The following MTMR10 variants were observed in gnomAD, a reference collection of about 807,000 sequenced individuals.
MTMR10 encodes myotubularin-related protein 10.
A neutral mutation model predicts 88.1 loss-of-function variants in MTMR10; 56 were observed. The observed-to-expected ratio is 0.64, with a 90% CI of 0.51 to 0.79. MTMR10 has a LOEUF of 0.79. Ranked by LOEUF, MTMR10 falls within the 30% of genes least tolerant of loss-of-function variation. MTMR10 has a pLI of 0.00. For synonymous variants in MTMR10, 380 were observed against 340.9 expected (o/e 1.11, Z -1.26); for missense variants, 883 against 924.7 (o/e 0.95, Z 0.58).
At chr15:30,942,322 C>G in intron 15 of MTMR10, 1 of 548,080 alleles carries the variant, frequency 1.8e-6, no homozygotes, top group South Asian at 2.4e-5. Flanking sequence ...CTCCTATCCA[C>G]TAATTTGCTT....
intron 12 of MTMR10, 22 bp downstream of exon 12, chr15:30,951,946 T>C (rs982949937): frequency 3.7e-6 from 6 of 1,601,028 alleles, no homozygotes; most frequent in African/African-American, 1.3e-5. Context: ...GTCATGGTGC[T>C]TTCAGGAGTT....
In MTMR10 at chr15:30,941,373, A is replaced by G. The variant is rs1225753377; in HGVS notation, c.*97T>C. ...CAAATTCCAACTATTATTCTTACAT[A>G]TAAAGTTATTAGAGATTCAAACGCC... is the stretch of plus-strand genomic sequence containing the variant. On this transcript the variant is annotated 3_prime_UTR_variant, in exon 16 of 16. Transcript: ENST00000435680. 29 of 1,537,956 alleles carry G rather than the reference A, an allele frequency of 1.9e-5. No individual in the cohort carries two copies. Among genetic ancestry groups the G allele is most frequent in the Non-Finnish European group, 2.5e-5 (29 of 1,144,838 alleles).
intron 6 of MTMR10, chr15:30,965,985 G>A (rs923921270): frequency 6.6e-6 from 3 of 454,338 alleles, no homozygotes; most frequent in Non-Finnish European, 1.3e-5. Context: ...AATTCTGACT[G>A]CAGTGTGTGG....
intron 12 of MTMR10, chr15:30,949,185 G>A (rs114765487): frequency 1.3e-5 from 2 of 152,104 alleles, no homozygotes; most frequent in Admixed American, 1.3e-4. Context: ...TCCTGATTAG[G>A]AATAAAAGTA....
intron 11 of MTMR10, 112 bp from the exon 12 acceptor site, chr15:30,952,150 A>C: frequency 9.1e-6 from 8 of 879,564 alleles, no homozygotes; most frequent in Non-Finnish European, 1.4e-5. Flanking sequence ...CTCTCTGATC[A>C]TGATATTCCC....
At chr15:30,957,520 C>G (rs1170866053) in intron 9 of MTMR10, among the ~76,000 whole-genome samples, 1 of 152,112 alleles carries the variant, frequency 6.6e-6, no homozygotes, top group Non-Finnish European at 1.5e-5. Flanking sequence ...GTCAGGAGTT[C>G]GAGACCAGCC....
chr15:30,987,000 C>G (rs1188281278), intron 2 of MTMR10, among the ~76,000 whole-genome samples: 1 of 152,152 alleles, frequency 6.6e-6, no homozygotes, highest in Non-Finnish European at 1.5e-5. Context: ...CTTTAAAAGT[C>G]AAACTCAGTT....
the MTMR10 span, chr15:30,925,884 G>T: frequency 6.2e-7 from 1 of 1,614,222 alleles, no homozygotes; most frequent in Non-Finnish European, 8.5e-7. Flanking sequence ...CCACGGTCCT[G>T]TGCTCTGTGG....
At chr15:30,974,554 C>T in intron 4 of MTMR10, 98 bp from the exon 5 acceptor site, 3 of 1,160,486 alleles carry the variant, frequency 2.6e-6, no homozygotes, top group South Asian at 4.7e-5. Flanking sequence ...TGGAAGGTCA[C>T]CCAACATTTG....
Position 30,976,273 on chromosome 15 carries a change from G to A in MTMR10, c.258+546C>T, listed in dbSNP as rs756546495. Among the ~76,000 whole-genome samples the A allele has an allele frequency of 2.0e-5, 3 of 152,078 alleles. No individual in the cohort carries two copies. The South Asian group carries it at 6.2e-4, about 32-fold the overall frequency. ...AACAGTTAGCCGGGAGTGGTGGCAT[G>A]CACCTGTAGTCCCAGCTACTCAGGA... On this transcript the variant is annotated intron_variant, in intron 3 of 15. Coordinates refer to ENST00000435680, the MANE Select transcript of MTMR10 (RefSeq NM_017762.3).
the MTMR10 span, chr15:30,928,769 T>C: frequency 1.9e-6 from 3 of 1,549,710 alleles, no homozygotes; most frequent in African/African-American, 4.1e-5. Context: ...TTACGGTCCT[T>C]TGGGTCATCC....
chr15:30,938,803 G>A, downstream of MTMR10: 1 of 606,508 alleles, frequency 1.6e-6, no homozygotes, highest in Non-Finnish European at 2.1e-6. Flanking sequence ...GTTAAAAAAA[G>A]TTACTGATCA....
intron 13 of MTMR10, 111 bp downstream of exon 13, chr15:30,948,191 T>C (rs996589533): frequency 2.0e-6 from 2 of 984,932 alleles, no homozygotes; most frequent in Non-Finnish European, 2.9e-6. Flanking sequence ...ACTAAGGAAA[T>C]TAAGTTGTAC....
chr15:30,951,644 C>T (rs528850836), intron 12 of MTMR10, among the ~76,000 whole-genome samples: 15 of 152,188 alleles, frequency 9.9e-5, no homozygotes, highest in Admixed American at 4.6e-4. Context: ...AGACTACAGG[C>T]GCACACCACC....
Position 30,978,158 on chromosome 15 carries a change from C to T in MTMR10, c.122-1203G>A, listed in dbSNP as rs144726512. On this transcript the variant is annotated intron_variant, in intron 2 of 15. Transcript: ENST00000435680. Reference sequence around the variant, plus strand: ...TCCAACCACTGTCTAGGGAATGCCTCTTTAAAAAAATCTTCCTATCTAGTT... The same window carrying T: ...TCCAACCACTGTCTAGGGAATGCCTTTTTAAAAAAATCTTCCTATCTAGTT... Among the ~76,000 whole-genome samples the T allele has an allele frequency of 2.1e-3, 313 of 152,304 alleles. 1 individual carries two copies. Among genetic ancestry groups the T allele is most frequent in the African/African-American group, 6.7e-3 (279 of 41,554 alleles).
chr15:30,936,442 G>A (rs557254275), downstream of MTMR10, among the ~76,000 whole-genome samples: 3 of 152,262 alleles, frequency 2.0e-5, no homozygotes, highest in South Asian at 2.1e-4. Flanking sequence ...CAGAGTAATC[G>A]GAGGGTTTTA....
At chr15:30,976,046 A>G (rs906118275) in intron 3 of MTMR10, among the ~76,000 whole-genome samples, 1 of 151,604 alleles carries the variant, frequency 6.6e-6, no homozygotes, top group African/African-American at 2.4e-5. Context: ...AATCGATACT[A>G]TTCTTCACTC....
At chr15:30,921,238 C>T in the MTMR10 span, among the ~76,000 whole-genome samples, 1 of 152,090 alleles carries the variant, frequency 6.6e-6, no homozygotes, top group Non-Finnish European at 1.5e-5. Context: ...GGGGTGGCGG[C>T]CACCATCCTG....
the MTMR10 span, chr15:30,927,350 T>C: frequency 1.0e-6 from 1 of 985,562 alleles, no homozygotes. Flanking sequence ...TGAAGTGTTC[T>C]AGGAAGAAAA....
Sources: allele counts gnomAD v4.1 joint callset (sites outside exome capture counted in the v4.1 genomes callset), GRCh38; gene constraint gnomAD v4.1.1; transcripts MANE v1.5; gene names NCBI Gene and HGNC (gene_info 2026-07-23, HGNC 2026-07-21).